The following UBAC2 variants were observed in gnomAD, a reference collection of about 807,000 sequenced individuals.
The protein encoded by UBAC2 is ubiquitin-associated domain-containing protein 2.
UBAC2 carries 26 observed loss-of-function variants against 44.0 expected under a neutral mutation model. That is an observed-to-expected ratio of 0.59 (90% confidence interval 0.43 to 0.82). The LOEUF (loss-of-function observed/expected upper bound fraction) is 0.82. Among genes scored for constraint, UBAC2 ranks in the 40% least tolerant of loss-of-function variants. UBAC2 has a pLI of 0.00. For synonymous variants in UBAC2, 155 were observed against 154.3 expected (o/e 1.00, Z -0.04); for missense variants, 329 against 419.4 (o/e 0.78, Z 1.88).
intron 1 of UBAC2, among the ~76,000 whole-genome samples, chr13:99,208,361 C>T (rs957630283): frequency 6.6e-6 from 1 of 152,136 alleles, no homozygotes; most frequent in Admixed American, 6.5e-5. Flanking sequence ...GCTGTCAGGC[C>T]TTGTGACTTA....
chr13:99,267,447 G>A (rs2043758134), intron 4 of UBAC2, among the ~76,000 whole-genome samples: 1 of 152,148 alleles, frequency 6.6e-6, no homozygotes, highest in Non-Finnish European at 1.5e-5. Context: ...GGGGAAGGGA[G>A]GGGAGGTTAT....
chr13:99,277,616 T>A (rs145582730), intron 4 of UBAC2, among the ~76,000 whole-genome samples: 2 of 152,328 alleles, frequency 1.3e-5, no homozygotes, highest in Admixed American at 1.3e-4. Flanking sequence ...GAAATCATTT[T>A]TTTCTCCATT....
intron 4 of UBAC2, among the ~76,000 whole-genome samples, chr13:99,262,710 C>CAAGAAAAAAAAA (rs2043682737): frequency 1.7e-5 from 1 of 57,158 alleles, no homozygotes; most frequent in African/African-American, 7.1e-5. Context: ...AACTCCCTCT[C>CAAGAAAAAAAAA]AAAAAAAAAA....
At chr13:99,385,050 A>G (rs1289412497) in intron 8 of UBAC2, among the ~76,000 whole-genome samples, 178 bp from the exon 9 acceptor site, 2 of 152,256 alleles carry the variant, frequency 1.3e-5, no homozygotes, top group South Asian at 4.1e-4. Flanking sequence ...CATAGTGAAC[A>G]TTGAAAAATT....
chr13:99,336,346 G>C (rs1245136184), intron 6 of UBAC2, among the ~76,000 whole-genome samples: 1 of 152,188 alleles, frequency 6.6e-6, no homozygotes, highest in Non-Finnish European at 1.5e-5. Flanking sequence ...AAGTAGACCA[G>C]TGTGTGTTTT....
intron 4 of UBAC2, among the ~76,000 whole-genome samples, chr13:99,300,739 A>C (rs966287547): frequency 6.6e-6 from 1 of 152,198 alleles, no homozygotes; most frequent in Non-Finnish European, 1.5e-5. Flanking sequence ...AGCGTTGAAC[A>C]TGTGCTGTTA....
intron 4 of UBAC2, among the ~76,000 whole-genome samples, chr13:99,303,462 G>C (rs2044285340): frequency 6.6e-6 from 1 of 152,142 alleles, no homozygotes; most frequent in South Asian, 2.1e-4. Flanking sequence ...TGTGGCTTTT[G>C]GTGGCTTTTA....
In UBAC2 at chr13:99,315,926, A is replaced by G. The variant is rs548104215; in HGVS notation, c.513+1706A>G. Among the ~76,000 whole-genome samples, 13 of 152,014 alleles carry G rather than the reference A, an allele frequency of 8.6e-5. No homozygotes were observed. The South Asian group carries it at 1.3e-3, about 15-fold the overall frequency. ...CGGGGCCATTGTAGTAGGTTGGTGC[A>G]AAAGTAATTGCGGTTTTTGCCATTA... On this transcript the variant is annotated intron_variant, in intron 5 of 8. Transcript: ENST00000403766.
At chr13:99,294,911 T>C in intron 4 of UBAC2, 2 of 750,794 alleles carry the variant, frequency 2.7e-6, no homozygotes, top group Non-Finnish European at 4.2e-6. Context: ...CTCTTGGGCT[T>C]ACTTCCGAGT....
intron 4 of UBAC2, among the ~76,000 whole-genome samples, chr13:99,245,173 T>G (rs1490914623): frequency 6.6e-6 from 1 of 152,198 alleles, no homozygotes; most frequent in Non-Finnish European, 1.5e-5. Flanking sequence ...TTTTAGAGAA[T>G]TTTAAGTGAA....
intron 4 of UBAC2, among the ~76,000 whole-genome samples, chr13:99,282,243 A>C (rs1361075880): frequency 2.0e-5 from 3 of 152,096 alleles, no homozygotes; most frequent in Non-Finnish European, 4.4e-5. Context: ...AAAATCACCC[A>C]TGATGGAGAG....
chr13:99,284,707 T>G (rs2043995617), intron 4 of UBAC2, among the ~76,000 whole-genome samples: 1 of 152,220 alleles, frequency 6.6e-6, no homozygotes, highest in African/African-American at 2.4e-5. Context: ...CATGTTGCAT[T>G]TCATTGGTAC....
chr13:99,208,629 ATC>A (rs2042903279), intron 1 of UBAC2, among the ~76,000 whole-genome samples: 1 of 152,194 alleles, frequency 6.6e-6, no homozygotes, highest in Non-Finnish European at 1.5e-5. Context: ...GTTGGCAACC[ATC>A]TCTGTCCGAA....
intron 7 of UBAC2, among the ~76,000 whole-genome samples, chr13:99,360,124 C>A (rs2045245591): frequency 6.6e-6 from 1 of 152,202 alleles, no homozygotes. Flanking sequence ...GGGGCACCAA[C>A]TTGTACGAGC....
At chr13:99,315,403 G>A (rs1594119032) in intron 5 of UBAC2, among the ~76,000 whole-genome samples, 1 of 152,154 alleles carries the variant, frequency 6.6e-6, no homozygotes. Context: ...ATGAGACTTG[G>A]GTTGAGTCAT....
intron 4 of UBAC2, among the ~76,000 whole-genome samples, chr13:99,290,360 G>A (rs1435987999): frequency 6.6e-6 from 1 of 152,170 alleles, no homozygotes; most frequent in Non-Finnish European, 1.5e-5. Context: ...TCATCAAGAG[G>A]CCTGGGGGAA....
chr13:99,343,227 G>GTGGCCTACAGACAGGCACTTCA (rs1417144077), intron 7 of UBAC2, among the ~76,000 whole-genome samples: 11 of 152,244 alleles, frequency 7.2e-5, no homozygotes, highest in African/African-American at 2.7e-4. Flanking sequence ...TGCTCACTTT[G>GTGGCCTACAGACAGGCACTTCA]TGGCCTACAG....
At chr13:99,318,466 T>C (rs2044523471) in intron 6 of UBAC2, among the ~76,000 whole-genome samples, 1 of 149,660 alleles carries the variant, frequency 6.7e-6, no homozygotes. Flanking sequence ...TGCACCCGGC[T>C]CTCAACATTC....
chr13:99,370,613 A>G (rs1414970125), intron 8 of UBAC2, among the ~76,000 whole-genome samples: 1 of 152,190 alleles, frequency 6.6e-6, no homozygotes, highest in Non-Finnish European at 1.5e-5. Context: ...CTGCCTCTGT[A>G]GCAAAACTTT....
Sources: allele counts gnomAD v4.1 joint callset (sites outside exome capture counted in the v4.1 genomes callset), GRCh38; gene constraint gnomAD v4.1.1; transcripts MANE v1.5; gene names NCBI Gene and HGNC (gene_info 2026-07-23, HGNC 2026-07-21).